Variants in GALNT1 observed in about 807,000 individuals in gnomAD.
The protein encoded by GALNT1 is polypeptide N-acetylgalactosaminyltransferase 1.
Under a neutral mutation model 65.7 loss-of-function variants are expected in GALNT1, and 17 were observed. The ratio of observed to expected loss-of-function variants is 0.26; its 90% CI spans 0.18 to 0.39. GALNT1 has a LOEUF of 0.39. Among genes scored for constraint, GALNT1 ranks in the 10% least tolerant of loss-of-function variants. The probability of loss-of-function intolerance (pLI) is 1.00; values close to 1 mark genes in which losing one functional copy is unlikely to be tolerated. For missense variants in GALNT1, 460 were observed against 672.8 expected, an observed-to-expected ratio of 0.68 and a Z score of 3.50; for synonymous variants, 210 against 219.7, an observed-to-expected ratio of 0.96 and a Z score of 0.39.
intron 1 of GALNT1, among the ~76,000 whole-genome samples, chr18:35,648,119 AGAGG>A (rs1471716548): frequency 4.1e-5 from 5 of 123,332 alleles, no homozygotes; most frequent in African/African-American, 1.5e-4. Context: ...AGGGAAGGAA[AGAGG>A]GAGGGAAGGA....
At chr18:35,603,337 C>T (rs1384666049) in intron 1 of GALNT1, among the ~76,000 whole-genome samples, 1 of 152,062 alleles carries the variant, frequency 6.6e-6, no homozygotes, top group Non-Finnish European at 1.5e-5. Context: ...GTCTGTTTCT[C>T]TTACTGTCTG....
chr18:35,600,748 T>G (rs1160798829), intron 1 of GALNT1, among the ~76,000 whole-genome samples: 1 of 152,188 alleles, frequency 6.6e-6, no homozygotes, highest in East Asian at 1.9e-4. Context: ...TTTATTGACT[T>G]GCATATTTTG....
intron 1 of GALNT1, among the ~76,000 whole-genome samples, chr18:35,587,101 C>A (rs1277361819): frequency 1.3e-5 from 2 of 151,960 alleles, no homozygotes; most frequent in African/African-American, 2.4e-5. Flanking sequence ...GTAAATATTT[C>A]TTTTTATATT....
At chr18:35,687,865 C>T (rs774603172) in intron 6 of GALNT1, among the ~76,000 whole-genome samples, 1 of 152,078 alleles carries the variant, frequency 6.6e-6, no homozygotes, top group Non-Finnish European at 1.5e-5. Flanking sequence ...ATTAAGAGTT[C>T]CTTCAGAACC....
chr18:35,651,108 C>T (rs567014768), intron 1 of GALNT1, among the ~76,000 whole-genome samples: 32 of 152,278 alleles, frequency 2.1e-4, no homozygotes, highest in South Asian at 1.9e-3. Flanking sequence ...TCCCTCCGTT[C>T]GGGGTCCCTG....
chr18:35,633,685 A>T (rs2047051235), intron 1 of GALNT1, among the ~76,000 whole-genome samples: 1 of 152,162 alleles, frequency 6.6e-6, no homozygotes, highest in Non-Finnish European at 1.5e-5. Flanking sequence ...CTCGAACCTA[A>T]AAGTATTATA....
At chr18:35,601,870 T>A (rs1039938360) in intron 1 of GALNT1, among the ~76,000 whole-genome samples, 3 of 152,204 alleles carry the variant, frequency 2.0e-5, no homozygotes, top group African/African-American at 7.2e-5. Context: ...TTTTGATAGA[T>A]TTGTCTTTTA....
chr18:35,632,172 C>A (rs961876567), intron 1 of GALNT1, among the ~76,000 whole-genome samples: 2 of 152,196 alleles, frequency 1.3e-5, no homozygotes, highest in African/African-American at 4.8e-5. Context: ...CTACCAATGA[C>A]TTTCTTCACA....
In GALNT1 at chr18:35,591,188, A is replaced by G. The variant is rs546832758; in HGVS notation, c.-104+9326A>G. ...GCATTTCATTGCATGAGATGTATAC[A>G]TACTCCTGGAGAGAAAGGACCTTTG... On this transcript the variant is annotated intron_variant, in intron 1 of 11. Coordinates refer to ENST00000269195, the MANE Select transcript of GALNT1 (RefSeq NM_020474.4). 4.4e-4 allele frequency among the ~76,000 whole-genome samples: 67 copies of G among 152,320 alleles called. No homozygotes were observed. The South Asian group carries it at 0.013, about 30-fold the overall frequency.
At chr18:35,622,125 A>G (rs1598786192) in intron 1 of GALNT1, among the ~76,000 whole-genome samples, 2 of 152,208 alleles carry the variant, frequency 1.3e-5, no homozygotes, top group African/African-American at 4.8e-5. Context: ...GAACTATAGT[A>G]AGTACACAGA....
intron 3 of GALNT1, among the ~76,000 whole-genome samples, chr18:35,672,822 T>TTTATTGAATGCTTTATTATATACCAGTG (rs1258655131): frequency 1.2e-4 from 18 of 152,132 alleles, no homozygotes; most frequent in African/African-American, 4.3e-4. Context: ...TTTAATAGCA[T>TTTATTGAATGCTTTATTATATACCAGTG]TTATTGAATG....
intron 11 of GALNT1, 93 bp downstream of exon 11, chr18:35,703,736 C>A: frequency 1.6e-6 from 2 of 1,243,606 alleles, no homozygotes; most frequent in Non-Finnish European, 1.1e-6. Context: ...TCTTGTGGAC[C>A]TTGAATATGG....
intron 1 of GALNT1, among the ~76,000 whole-genome samples, chr18:35,644,034 A>T (rs1360906515): frequency 6.6e-6 from 1 of 152,216 alleles, no homozygotes; most frequent in Non-Finnish European, 1.5e-5. Context: ...CACTCAAGAC[A>T]CTAAACACTG....
intron 3 of GALNT1, among the ~76,000 whole-genome samples, chr18:35,669,600 T>TA (rs2047601345): frequency 6.6e-6 from 1 of 152,232 alleles, no homozygotes; most frequent in Non-Finnish European, 1.5e-5. Flanking sequence ...TTTCATTAGA[T>TA]ACAGGAAAAA....
intron 2 of GALNT1, among the ~76,000 whole-genome samples, chr18:35,656,049 C>A (rs764918503): frequency 1.3e-5 from 2 of 152,206 alleles, no homozygotes; most frequent in Non-Finnish European, 2.9e-5. Flanking sequence ...TTAACTGTTG[C>A]TAGAACTGTA....
chr18:35,642,639 G>A (rs557817313), intron 1 of GALNT1, among the ~76,000 whole-genome samples: 3 of 152,202 alleles, frequency 2.0e-5, no homozygotes, highest in Admixed American at 6.5e-5. Context: ...GTGATCTGGG[G>A]CATTAAAAAG....
intron 2 of GALNT1, among the ~76,000 whole-genome samples, chr18:35,658,010 A>T (rs1489466732): frequency 6.6e-6 from 1 of 152,190 alleles, no homozygotes; most frequent in Non-Finnish European, 1.5e-5. Context: ...CGTGAAAAGG[A>T]TTCTCCTCAA....
chr18:35,688,364 G>T (rs2047901593), intron 6 of GALNT1, among the ~76,000 whole-genome samples: 1 of 152,030 alleles, frequency 6.6e-6, no homozygotes, highest in Non-Finnish European at 1.5e-5. Flanking sequence ...AATCTTCGTG[G>T]TATCTTTGGT....
intron 3 of GALNT1, among the ~76,000 whole-genome samples, chr18:35,669,521 G>T (rs1349638160): frequency 1.3e-5 from 2 of 152,156 alleles, no homozygotes; most frequent in Non-Finnish European, 2.9e-5. Context: ...ATGTGAAGTT[G>T]GTTTAGGATT....
Sources: allele counts gnomAD v4.1 joint callset (sites outside exome capture counted in the v4.1 genomes callset), GRCh38; gene constraint gnomAD v4.1.1; transcripts MANE v1.5; gene names NCBI Gene and HGNC (gene_info 2026-07-23, HGNC 2026-07-21).